The following HDAC5 variants were observed in gnomAD, a reference collection of about 807,000 sequenced individuals.
The protein encoded by HDAC5 is antigen NY-CO-9.
Under a neutral mutation model 133.3 loss-of-function variants are expected in HDAC5, and 25 were observed. That is an observed-to-expected ratio of 0.19 (90% CI 0.14 to 0.26). The LOEUF is 0.26. HDAC5 is among the 10% of genes least tolerant of loss of function. The pLI is 1.00. For synonymous variants in HDAC5, 589 were observed against 610.8 expected, an observed-to-expected ratio of 0.96 and a Z score of 0.53; for missense variants, 1,041 against 1,460.5, an observed-to-expected ratio of 0.71 and a Z score of 4.68.
intron 2 of HDAC5, among the ~76,000 whole-genome samples, chr17:44,114,867 CAG>C (rs1293941321): frequency 1.3e-5 from 2 of 152,212 alleles, no homozygotes; most frequent in African/African-American, 4.8e-5. Context: ...GGAATGGTCT[CAG>C]GGAAGCAGGC....
At chr17:44,096,060 C>T (rs1349587119) in intron 3 of HDAC5, among the ~76,000 whole-genome samples, 1 of 152,112 alleles carries the variant, frequency 6.6e-6, no homozygotes, top group Non-Finnish European at 1.5e-5. Context: ...TGTCACTCCT[C>T]ACCACTGCCC....
chr17:44,080,638 C>T, intron 21 of HDAC5, 125 bp downstream of exon 21: 1 of 1,479,954 alleles, frequency 6.8e-7, no homozygotes, highest in Admixed American at 1.7e-5. Context: ...TGTGGTCCTC[C>T]CACTAGGAGC....
At chr17:44,103,023 A>G (rs2051716728) in intron 3 of HDAC5, among the ~76,000 whole-genome samples, 1 of 152,066 alleles carries the variant, frequency 6.6e-6, no homozygotes, top group African/African-American at 2.4e-5. Context: ...TAGAGGGCAG[A>G]ATCTCCCACC....
intron 9 of HDAC5, 25 bp from the exon 10 acceptor site, chr17:44,091,856 G>C (rs1455334259): frequency 6.5e-7 from 1 of 1,527,312 alleles, no homozygotes; most frequent in Non-Finnish European, 8.8e-7. Flanking sequence ...GAAGAGACAG[G>C]CATGAGAGTG....
chr17:44,084,813 G>A (rs1185236981), intron 15 of HDAC5, 138 bp from the exon 16 acceptor site: 2 of 1,314,140 alleles, frequency 1.5e-6, no homozygotes, highest in African/African-American at 2.9e-5. Context: ...TCCTGGCTCT[G>A]TCATGACCTT....
At chr17:44,123,327 G>T in intron 1 of HDAC5, 177 bp downstream of exon 1, 1 of 329,012 alleles carries the variant, frequency 3.0e-6, no homozygotes, top group Admixed American at 4.9e-5. Flanking sequence ...CCGCTCACGG[G>T]CTGCCGATGC....
chr17:44,111,244 G>A, intron 2 of HDAC5: 1 of 290,206 alleles, frequency 3.4e-6, no homozygotes, highest in Non-Finnish European at 7.0e-6. Flanking sequence ...GCCGCCGCCG[G>A]CAGCTGGCAG....
chr17:44,078,262 G>T lies in HDAC5; in HGVS notation c.*114C>A. 3 of 1,152,196 alleles carry T rather than the reference G, an allele frequency of 2.6e-6. No individual in the cohort carries two copies. The highest frequency in any genetic ancestry group is 3.6e-6 in the Non-Finnish European group (3 of 840,434). 71.4% of individuals were successfully genotyped at this position (1,152,196 alleles called of 1,614,324 possible). A position where few individuals can be genotyped will look rare whatever the true frequency, so the allele number is the denominator to read the frequency against. On this transcript the variant is annotated 3_prime_UTR_variant, in exon 27 of 27. Coordinates refer to ENST00000682912, the MANE Select transcript of HDAC5 (RefSeq NM_005474.5). ...GAGGCAGCGTAGAGGAGCAGGAGGG[G>T]CAAGGCTGAGAGACCCACACGGCAC...
At position 44,078,682 on chromosome 17, in the gene HDAC5, G is replaced by A. The variant is rs2050231419; in HGVS notation, c.3164-17C>T. 1.2e-6 allele frequency: 2 copies of A among 1,605,288 alleles called. No homozygotes were observed. The highest frequency in any genetic ancestry group is 1.3e-5 in the African/African-American group (1 of 74,994). Reference sequence around the variant, plus strand: ...AGTGTTTGCCTGTGGACGAGAGACAGGCAAGGGGTCAGGGAGGGCAGAGGA... The same window carrying A: ...AGTGTTTGCCTGTGGACGAGAGACAAGCAAGGGGTCAGGGAGGGCAGAGGA... On this transcript the variant is annotated splice_polypyrimidine_tract_variant and intron_variant, in intron 25 of 26. Coordinates refer to ENST00000682912, the MANE Select transcript of HDAC5 (RefSeq NM_005474.5).
chr17:44,090,106 G>A (rs986493676), intron 11 of HDAC5, among the ~76,000 whole-genome samples: 1 of 151,284 alleles, frequency 6.6e-6, no homozygotes. Context: ...GGTGGCAGGC[G>A]CCTATAATCC....
chr17:44,102,265 G>A (rs1400412507), intron 3 of HDAC5, among the ~76,000 whole-genome samples: 1 of 152,224 alleles, frequency 6.6e-6, no homozygotes, highest in East Asian at 1.9e-4. Context: ...TTTAAAATCT[G>A]CACAAAAGAA....
intron 3 of HDAC5, among the ~76,000 whole-genome samples, chr17:44,094,767 T>TAC (rs888637064): frequency 1.3e-4 from 19 of 151,892 alleles, no homozygotes; most frequent in African/African-American, 2.9e-4. Context: ...TATATATATA[T>TAC]ACACACACAC....
intron 13 of HDAC5, among the ~76,000 whole-genome samples, chr17:44,087,077 T>C (rs550308404): frequency 1.3e-5 from 2 of 150,978 alleles, no homozygotes; most frequent in Admixed American, 1.3e-4. Context: ...AGGCAGACAG[T>C]AGTAACAGCG....
chr17:44,120,142 G>C (rs2052896762), intron 1 of HDAC5: 1 of 152,506 alleles, frequency 6.6e-6, no homozygotes, highest in Admixed American at 6.5e-5. Flanking sequence ...AGGGTGGGTG[G>C]AGGAGGGCAG....
chr17:44,082,071 A>G (rs2050419644), intron 20 of HDAC5: 1 of 153,250 alleles, frequency 6.5e-6, no homozygotes. Flanking sequence ...TAGCAAGAGC[A>G]GAGTGCTGGG....
chr17:44,117,545 T>G lies in HDAC5; in HGVS notation c.-30A>C. On this transcript the variant is annotated 5_prime_UTR_variant, in exon 2 of 27. Transcript: ENST00000682912. The surrounding 1 kb of genome is among the most constrained non-coding windows in gnomAD (Gnocchi z 4.2). ...GCTCTGGGCCTGCAGGAAGCTGGCG[T>G]TGGGGGCTGGGACGGGAGGGGGTGG... 2 of 1,612,986 alleles carry G rather than the reference T, an allele frequency of 1.2e-6. No homozygotes were observed. Among genetic ancestry groups the G allele is most frequent in the South Asian group, 1.1e-5 (1 of 91,058 alleles).
intron 2 of HDAC5, among the ~76,000 whole-genome samples, chr17:44,112,350 C>T (rs995755954): frequency 1.3e-5 from 2 of 152,066 alleles, no homozygotes; most frequent in Non-Finnish European, 2.9e-5. Context: ...CCCCCGCCCT[C>T]CCCACCGCTG....
In HDAC5 at chr17:44,079,857, A is replaced by G. The variant is rs1252956982; in HGVS notation, c.2944+250T>C. ...AGCATCACTGAAACACCAGGGACCAACAAGCCCATCTCTACAGCTCCGGCA... is the reference window on the plus strand; with the variant it reads ...AGCATCACTGAAACACCAGGGACCAGCAAGCCCATCTCTACAGCTCCGGCA... On this transcript the variant is annotated intron_variant, in intron 23 of 26. Coordinates refer to ENST00000682912, the MANE Select transcript of HDAC5 (RefSeq NM_005474.5). 1.3e-5 allele frequency among the ~76,000 whole-genome samples: 2 copies of G among 152,090 alleles called. 1 individual carries two copies. Among genetic ancestry groups the G allele is most frequent in the African/African-American group, 4.8e-5 (2 of 41,388 alleles).
chr17:44,116,564 T>G (rs1261232949), intron 2 of HDAC5, among the ~76,000 whole-genome samples: 1 of 152,186 alleles, frequency 6.6e-6, no homozygotes, highest in Non-Finnish European at 1.5e-5. Context: ...AATATCCACC[T>G]ACCCCTACAT....
Sources: allele counts gnomAD v4.1 joint callset (sites outside exome capture counted in the v4.1 genomes callset), GRCh38; gene constraint gnomAD v4.1.1; non-coding constraint Gnocchi (gnomAD v3.1); transcripts MANE v1.5; gene names NCBI Gene and HGNC (gene_info 2026-07-23, HGNC 2026-07-21).